Variants in TTC27 observed in about 807,000 individuals in gnomAD.
TTC27 encodes tetratricopeptide repeat domain 27.
A neutral mutation model predicts 115.9 loss-of-function variants in TTC27; 79 were observed. The ratio of observed to expected loss-of-function variants is 0.68; its 90% CI spans 0.57 to 0.82. The LOEUF is 0.82. Ranked by LOEUF, TTC27 falls within the 40% of genes least tolerant of loss-of-function variation. TTC27 has a pLI of 0.00. For missense variants in TTC27, 1,054 were observed against 993.1 expected (o/e 1.06, Z -0.82); for synonymous variants, 401 against 356.0 (o/e 1.13, Z -1.42).
At position 32,731,655 on chromosome 2, in the gene TTC27, C is replaced by T. The variant is rs115928007; in HGVS notation, c.1234-2173C>T. On this transcript the variant is annotated intron_variant, in intron 10 of 19. Transcript: ENST00000317907. ...TGGCCTCCCAAAGTGCTTGGGGTGG[C>T]ACCCAACCTAGAGTTCTGTTTTTGA... is the stretch of plus-strand genomic sequence containing the variant. Among the ~76,000 whole-genome samples, 1,505 of 152,256 alleles carry T rather than the reference C, an allele frequency of 9.9e-3. 23 individuals are homozygous for T. The highest frequency in any genetic ancestry group is 0.034 in the African/African-American group (1,401 of 41,548).
intron 14 of TTC27, among the ~76,000 whole-genome samples, chr2:32,779,767 T>G (rs1451346041): frequency 2.0e-5 from 3 of 152,170 alleles, no homozygotes; most frequent in East Asian, 3.8e-4. Context: ...TGCTAGGAGT[T>G]TTATAGTTTT....
At chr2:32,782,513 T>C (rs570732718) in intron 14 of TTC27, 113 bp from the exon 15 acceptor site, 39 of 686,798 alleles carry the variant, frequency 5.7e-5, no homozygotes, top group South Asian at 1.7e-4. Context: ...TTATTGAAAA[T>C]TGTGGTTTTA....
At chr2:32,681,390 C>G (rs917260394) in intron 9 of TTC27, among the ~76,000 whole-genome samples, 3 of 152,098 alleles carry the variant, frequency 2.0e-5, no homozygotes, top group Non-Finnish European at 2.9e-5. Flanking sequence ...CCTGTCCCTT[C>G]TTTGTGCATG....
chr2:32,672,525 C>G (rs947259554), intron 8 of TTC27, 141 bp downstream of exon 8: 3 of 567,016 alleles, frequency 5.3e-6, no homozygotes, highest in African/African-American at 1.9e-5. Flanking sequence ...AGAGGAAATA[C>G]TTGGAGAACC....
intron 13 of TTC27, among the ~76,000 whole-genome samples, chr2:32,774,572 C>T (rs138573414): frequency 1.3e-5 from 2 of 152,176 alleles, no homozygotes; most frequent in African/African-American, 4.8e-5. Flanking sequence ...CAAACATATA[C>T]AACTATGTTC....
intron 1 of TTC27, among the ~76,000 whole-genome samples, chr2:32,630,124 T>G (rs1664118404): frequency 6.6e-6 from 1 of 152,154 alleles, no homozygotes. Flanking sequence ...CCAGCGCTCT[T>G]GGAGTGACTT....
intron 5 of TTC27, among the ~76,000 whole-genome samples, chr2:32,653,120 C>G (rs1241315872): frequency 1.3e-5 from 2 of 152,144 alleles, no homozygotes; most frequent in African/African-American, 4.8e-5. Flanking sequence ...ATCATGGCAT[C>G]CAGTGCTGAA....
rs370124809 is a variant in TTC27, at chr2:32,736,735, T to G, written c.1371T>G (p.Ser457Arg). ...ASLLFELGCT[S>R]SALQIFEKLE... ...TGCTCTTTGAGTTGGGATGTACCAG[T>G]TCAGCCCTTCAGATATTTGAAAAGC... The change falls in exon 12 of 20, where the codon AGT becomes AGG. Residue 457 changes from serine to arginine, a missense_variant. Transcript: ENST00000317907. 2.2e-4 allele frequency: 353 copies of G among 1,613,968 alleles called. No individual in the cohort carries two copies. The highest frequency in any genetic ancestry group is 3.2e-4 in the Admixed American group (19 of 59,994).
At chr2:32,802,085 C>T (rs1327958890) in intron 16 of TTC27, among the ~76,000 whole-genome samples, 3 of 151,558 alleles carry the variant, frequency 2.0e-5, no homozygotes, top group Non-Finnish European at 2.9e-5. Context: ...GGAAAACTCT[C>T]ATTAGATCCG....
chr2:32,672,394 T>G lies in TTC27; in HGVS notation c.1052+10T>G. 1 of 1,595,998 alleles carries G rather than the reference T, an allele frequency of 6.3e-7. No homozygotes were observed. The highest frequency in any genetic ancestry group is 8.6e-7 in the Non-Finnish European group (1 of 1,163,904). ...TTATTCTTGGAATCTGGTGAGTTAA[T>G]GACTGACTTGGCTGCTTTGAACACT... On this transcript the variant is annotated intron_variant, in intron 8 of 19. Coordinates refer to ENST00000317907, the MANE Select transcript of TTC27 (RefSeq NM_017735.5).
chr2:32,644,261 A>T (rs908133884), intron 4 of TTC27, among the ~76,000 whole-genome samples: 1 of 151,338 alleles, frequency 6.6e-6, no homozygotes, highest in Non-Finnish European at 1.5e-5. Context: ...CTGAGGCAGG[A>T]ATATTGCTTG....
chr2:32,810,269 T>G (rs190193136), intron 16 of TTC27, among the ~76,000 whole-genome samples: 26 of 152,322 alleles, frequency 1.7e-4, no homozygotes, highest in Admixed American at 3.9e-4. Flanking sequence ...TAGAAGGTTA[T>G]TATAGCAGCC....
chr2:32,817,149 T>G (rs73924068), intron 18 of TTC27, among the ~76,000 whole-genome samples: 23,534 of 151,564 alleles, frequency 0.16, 2,463 homozygotes, highest in African/African-American at 0.29. Context: ...GTAATCTCAG[T>G]GCTTTGGGAG....
At chr2:32,772,414 A>G (rs1478269810) in intron 13 of TTC27, among the ~76,000 whole-genome samples, 1 of 152,212 alleles carries the variant, frequency 6.6e-6, no homozygotes, top group Non-Finnish European at 1.5e-5. Flanking sequence ...TCCCTGACTT[A>G]CAATAGTTCC....
intron 4 of TTC27, among the ~76,000 whole-genome samples, chr2:32,642,269 T>TTC (rs1201958907): frequency 1.3e-5 from 2 of 148,806 alleles, no homozygotes; most frequent in African/African-American, 5.0e-5. Flanking sequence ...TTTTTTTTTT[T>TTC]GAGATGGAGT....
intron 9 of TTC27, among the ~76,000 whole-genome samples, chr2:32,693,850 T>C (rs1467762674): frequency 6.6e-6 from 1 of 152,228 alleles, no homozygotes; most frequent in East Asian, 1.9e-4. Context: ...AGCACTTCTT[T>C]TTATGAAAAG....
intron 14 of TTC27, 141 bp downstream of exon 14, chr2:32,778,121 G>T: frequency 9.7e-6 from 6 of 619,048 alleles, no homozygotes; most frequent in South Asian, 7.1e-5. Flanking sequence ...TCAAGGTATA[G>T]GATTTATAAA....
intron 12 of TTC27, among the ~76,000 whole-genome samples, chr2:32,743,568 C>G (rs768990230): frequency 4.6e-5 from 7 of 152,160 alleles, no homozygotes; most frequent in Non-Finnish European, 7.3e-5. Flanking sequence ...AGTTCCTTTT[C>G]TTGCACATAC....
chr2:32,755,508 G>A (rs1572580863), intron 12 of TTC27, among the ~76,000 whole-genome samples: 1 of 152,338 alleles, frequency 6.6e-6, no homozygotes, highest in Non-Finnish European at 1.5e-5. Flanking sequence ...AGGCAGGGAG[G>A]TTGCAGTGAG....
Sources: gnomAD v4.1 joint callset for allele counts (sites outside exome capture counted in the v4.1 genomes callset) on GRCh38, gnomAD v4.1.1 for gene constraint, MANE v1.5 for transcripts, NCBI Gene and HGNC (gene_info 2026-07-23, HGNC 2026-07-21) for gene names.